The following SPECC1L variants were observed in gnomAD, a reference collection of about 807,000 sequenced individuals.
SPECC1L encodes cytospin-A.
SPECC1L carries 40 observed loss-of-function variants against 116.8 expected under a neutral mutation model. That is an observed-to-expected ratio of 0.34 (90% CI 0.27 to 0.45). SPECC1L has a LOEUF of 0.45. SPECC1L is among the 20% of genes least tolerant of loss of function. The pLI, the probability that SPECC1L is intolerant of heterozygous loss-of-function variation, is 1.00. For missense variants in SPECC1L, 1,110 were observed against 1,373.6 expected (o/e 0.81, Z 3.03); for synonymous variants, 504 against 500.6 (o/e 1.01, Z -0.09).
intron 3 of SPECC1L, among the ~76,000 whole-genome samples, chr22:24,307,310 T>C (rs991588338): frequency 6.6e-6 from 1 of 152,268 alleles, no homozygotes; most frequent in Non-Finnish European, 1.5e-5. Flanking sequence ...ATAGTTGTTA[T>C]TTTGTTTTTT....
chr22:24,343,463 TTTG>T (rs1239403368), intron 10 of SPECC1L: 1 of 449,268 alleles, frequency 2.2e-6, no homozygotes, highest in Non-Finnish European at 4.4e-6. Context: ...TTTTTTTTGT[TTTG>T]TTTTGTTTTT....
chr22:24,334,311 C>T (rs2041003172), intron 8 of SPECC1L, 99 bp from the exon 9 acceptor site: 2 of 1,295,284 alleles, frequency 1.5e-6, no homozygotes, highest in African/African-American at 1.5e-5. Flanking sequence ...CGTGCCCGGC[C>T]ATTAAACTGA....
chr22:24,295,764 C>G (rs2049248448), intron 2 of SPECC1L, among the ~76,000 whole-genome samples: 1 of 152,092 alleles, frequency 6.6e-6, no homozygotes, highest in African/African-American at 2.4e-5. Flanking sequence ...GCCTGGCCAA[C>G]ATGGTGAAAC....
At chr22:24,367,507 A>G (rs182182086) in intron 13 of SPECC1L, among the ~76,000 whole-genome samples, 4 of 151,758 alleles carry the variant, frequency 2.6e-5, no homozygotes, top group South Asian at 2.1e-4. Context: ...CAATTCTTCT[A>G]TTTCCATTGT....
intron 2 of SPECC1L, among the ~76,000 whole-genome samples, chr22:24,296,902 C>A (rs1380426176): frequency 6.6e-6 from 1 of 151,264 alleles, no homozygotes; most frequent in African/African-American, 2.4e-5. Flanking sequence ...GGTGACAGTT[C>A]TGTAAAATAG....
intron 14 of SPECC1L, among the ~76,000 whole-genome samples, chr22:24,369,586 C>A (rs2041835468): frequency 6.6e-6 from 1 of 152,084 alleles, no homozygotes; most frequent in African/African-American, 2.4e-5. Flanking sequence ...GGAGTCCCAG[C>A]TACTTGAGAG....
intron 6 of SPECC1L, among the ~76,000 whole-genome samples, chr22:24,327,328 C>G (rs1240472258): frequency 4.4e-5 from 6 of 137,430 alleles, no homozygotes; most frequent in Non-Finnish European, 9.5e-5. Flanking sequence ...ATACCAACAT[C>G]AAATGTAAAG....
At chr22:24,360,088 T>C (rs2041613588) in intron 11 of SPECC1L, among the ~76,000 whole-genome samples, 2 of 152,234 alleles carry the variant, frequency 1.3e-5, no homozygotes, top group Non-Finnish European at 2.9e-5. Flanking sequence ...GTTTAATGAA[T>C]GGATTAAGAC....
At chr22:24,275,335 T>C (rs1255565774) in intron 1 of SPECC1L, among the ~76,000 whole-genome samples, 1 of 152,248 alleles carries the variant, frequency 6.6e-6, no homozygotes, top group Non-Finnish European at 1.5e-5. Flanking sequence ...CCCTGACAGC[T>C]GTGAGACACC....
intron 6 of SPECC1L, among the ~76,000 whole-genome samples, chr22:24,325,538 GATTT>G (rs56194800): frequency 0.23 from 33,645 of 146,632 alleles, 3,863 homozygotes; most frequent in Admixed American, 0.27. Context: ...TACTTAAATG[GATTT>G]ATTTATTTAT....
chr22:24,277,173 C>T (rs1013429315), intron 2 of SPECC1L, among the ~76,000 whole-genome samples: 13 of 152,170 alleles, frequency 8.5e-5, no homozygotes, highest in Admixed American at 7.2e-4. Context: ...CTTCGTCTTG[C>T]TCCATCTCCC....
chr22:24,328,099 A>G (rs1026737362), intron 6 of SPECC1L, among the ~76,000 whole-genome samples: 1 of 152,302 alleles, frequency 6.6e-6, no homozygotes, highest in Non-Finnish European at 1.5e-5. Context: ...TCTCTTATGC[A>G]TGGATTTTAG....
At chr22:24,296,146 G>C (rs893331909) in intron 2 of SPECC1L, among the ~76,000 whole-genome samples, 2 of 152,196 alleles carry the variant, frequency 1.3e-5, no homozygotes, top group Non-Finnish European at 2.9e-5. Context: ...GAAGTGAAGT[G>C]AGGTTTGAAT....
At chr22:24,383,771 G>A in intron 14 of SPECC1L, among the ~76,000 whole-genome samples, 1 of 140,426 alleles carries the variant, frequency 7.1e-6, no homozygotes, top group African/African-American at 2.7e-5. Context: ...TGAGTAGCTG[G>A]GATTACAGGC....
intron 2 of SPECC1L, among the ~76,000 whole-genome samples, chr22:24,291,373 GC>G (rs1270959773): frequency 6.6e-6 from 1 of 152,156 alleles, no homozygotes; most frequent in Non-Finnish European, 1.5e-5. Context: ...ACCTGGGACT[GC>G]AATCCAGGTC....
intron 14 of SPECC1L, among the ~76,000 whole-genome samples, chr22:24,400,605 G>A (rs1048423982): frequency 3.9e-5 from 6 of 152,144 alleles, no homozygotes; most frequent in Admixed American, 6.5e-5. Context: ...TTGCTGGGCC[G>A]TATATTAACT....
intron 14 of SPECC1L, among the ~76,000 whole-genome samples, chr22:24,390,867 CTTTTCTTTTTTTTTTTT>C (rs2042252748): frequency 2.1e-5 from 1 of 47,622 alleles, no homozygotes. Context: ...TTTTTTTTTT[CTTTTCTTTTTTTTTTTT>C]TTTTTTTTTT....
chr22:24,396,274 G>T (rs1354066103), intron 14 of SPECC1L, among the ~76,000 whole-genome samples: 6 of 150,390 alleles, frequency 4.0e-5, no homozygotes, highest in Admixed American at 2.7e-4. Flanking sequence ...TATGACCTTT[G>T]CCCTCAAAGA....
At chr22:24,279,619 G>A (rs925101925) in intron 2 of SPECC1L, among the ~76,000 whole-genome samples, 2 of 151,812 alleles carry the variant, frequency 1.3e-5, no homozygotes, top group Non-Finnish European at 1.5e-5. Flanking sequence ...TAGCTCTGTT[G>A]CCCAGGTTGT....
Sources: gnomAD v4.1 joint callset for allele counts (sites outside exome capture counted in the v4.1 genomes callset) on GRCh38, gnomAD v4.1.1 for gene constraint, MANE v1.5 for transcripts, NCBI Gene and HGNC (gene_info 2026-07-23, HGNC 2026-07-21) for gene names.